Variants in LRP1B observed in about 807,000 individuals in gnomAD.
The protein encoded by LRP1B is LDL receptor related protein 1B, also known as low-density lipoprotein receptor-related protein 1B.
LRP1B carries 217 observed loss-of-function variants against 556.6 expected under a neutral mutation model. That is an observed-to-expected ratio of 0.39 (90% CI 0.35 to 0.44). The LOEUF (loss-of-function observed/expected upper bound fraction) is 0.44. LRP1B is among the 20% of genes least tolerant of loss of function. The probability of loss-of-function intolerance (pLI) is 1.00; values close to 1 mark genes in which losing one functional copy is unlikely to be tolerated. For missense variants in LRP1B, 5,053 were observed against 5,620.8 expected, an observed-to-expected ratio of 0.90 and a Z score of 3.23; for synonymous variants, 2,047 against 1,865.8, an observed-to-expected ratio of 1.10 and a Z score of -2.50.
intron 49 of LRP1B, among the ~76,000 whole-genome samples, chr2:140,519,795 G>A (rs189398815): frequency 1.8e-4 from 28 of 152,176 alleles, no homozygotes; most frequent in African/African-American, 6.7e-4. Context: ...TCAACAAGTG[G>A]ACAAAGGATA....
At chr2:140,987,618 T>C (rs1414899611) in intron 17 of LRP1B, among the ~76,000 whole-genome samples, 1 of 152,140 alleles carries the variant, frequency 6.6e-6, no homozygotes, top group East Asian at 1.9e-4. Context: ...CCTTCTATTT[T>C]AAGGTGAAAA....
At chr2:140,293,911 T>C (rs1256939999) in intron 84 of LRP1B, among the ~76,000 whole-genome samples, 1 of 152,178 alleles carries the variant, frequency 6.6e-6, no homozygotes, top group Non-Finnish European at 1.5e-5. Flanking sequence ...AATTGGTTAA[T>C]TTTAATAAGT....
intron 14 of LRP1B, among the ~76,000 whole-genome samples, chr2:141,010,855 C>T (rs371116327): frequency 6.6e-6 from 1 of 151,528 alleles, no homozygotes; most frequent in African/African-American, 2.4e-5. Context: ...AAGGGGAGAT[C>T]TGATTAGTTG....
chr2:141,050,368 T>G (rs569885295), intron 10 of LRP1B, among the ~76,000 whole-genome samples: 1 of 152,148 alleles, frequency 6.6e-6, no homozygotes, highest in Admixed American at 6.6e-5. Context: ...TGGGTACATA[T>G]GCAGAGTGTG....
chr2:141,514,662 T>C (rs1684248492), intron 2 of LRP1B, among the ~76,000 whole-genome samples: 1 of 152,208 alleles, frequency 6.6e-6, no homozygotes, highest in South Asian at 2.1e-4. Context: ...GAAAATATTA[T>C]AAGTCAAAAT....
chr2:141,795,670 T>C (rs980853654), intron 2 of LRP1B, among the ~76,000 whole-genome samples: 1 of 151,688 alleles, frequency 6.6e-6, no homozygotes, highest in Non-Finnish European at 1.5e-5. Context: ...TCAATTCCAG[T>C]CACGGTTCTG....
intron 65 of LRP1B, among the ~76,000 whole-genome samples, 162 bp from the exon 66 acceptor site, chr2:140,442,785 G>C (rs1163596244): frequency 6.6e-6 from 1 of 151,986 alleles, no homozygotes; most frequent in Non-Finnish European, 1.5e-5. Context: ...AATTCCTTTT[G>C]AGATACTCCT....
intron 1 of LRP1B, among the ~76,000 whole-genome samples, chr2:142,051,875 A>G (rs1704474480): frequency 6.6e-6 from 1 of 152,214 alleles, no homozygotes; most frequent in Non-Finnish European, 1.5e-5. Context: ...AATCATGAGT[A>G]TATCACAAAC....
intron 2 of LRP1B, among the ~76,000 whole-genome samples, chr2:141,734,187 G>C (rs1173749676): frequency 6.6e-6 from 1 of 152,068 alleles, no homozygotes; most frequent in Non-Finnish European, 1.5e-5. Flanking sequence ...TTAATCTCTA[G>C]ATTATCTTGG....
rs1689431318 is a variant in LRP1B, at chr2:140,506,715, G to A, written c.8521+81C>T. 2.8e-6 allele frequency: 4 copies of A among 1,447,526 alleles called. No homozygotes were observed. The South Asian group carries it at 5.2e-5, about 19-fold the overall frequency. The allele number at this position is 1,447,526 out of a possible 1,614,324, so 89.7% of individuals were successfully genotyped here. A position where few individuals can be genotyped will look rare whatever the true frequency, so the allele number is the denominator to read the frequency against. ...GACACTAAGAAATGTGTTGCTTGTTGCTTTAGTTTTTTATTTACATACTAG... is the reference window on the plus strand; with the variant it reads ...GACACTAAGAAATGTGTTGCTTGTTACTTTAGTTTTTTATTTACATACTAG... On this transcript the variant is annotated intron_variant, in intron 53 of 90. Coordinates refer to ENST00000389484, the MANE Select transcript of LRP1B (RefSeq NM_018557.3).
chr2:142,000,352 T>C (rs1337785532), intron 1 of LRP1B, among the ~76,000 whole-genome samples: 3 of 152,168 alleles, frequency 2.0e-5, no homozygotes, highest in Non-Finnish European at 2.9e-5. Context: ...TCCTATTATC[T>C]GGTCTCATGT....
intron 41 of LRP1B, among the ~76,000 whole-genome samples, chr2:140,624,345 C>G (rs895840818): frequency 6.6e-6 from 1 of 152,096 alleles, no homozygotes; most frequent in African/African-American, 2.4e-5. Flanking sequence ...AAATATTTAT[C>G]AAGAACGTTG....
intron 2 of LRP1B, among the ~76,000 whole-genome samples, chr2:141,591,273 C>T (rs1392626100): frequency 2.6e-5 from 4 of 152,026 alleles, no homozygotes; most frequent in African/African-American, 9.7e-5. Flanking sequence ...ACCCAGGCTT[C>T]TCTCATTAGG....
chr2:140,325,629 C>A (rs1253329125), intron 80 of LRP1B, 133 bp downstream of exon 80: 2 of 574,036 alleles, frequency 3.5e-6, no homozygotes, highest in Non-Finnish European at 5.8e-6. Flanking sequence ...TACTAGTAAG[C>A]CTTATAAGTT....
intron 1 of LRP1B, among the ~76,000 whole-genome samples, chr2:142,121,628 C>G (rs144984825): frequency 6.6e-6 from 1 of 152,166 alleles, no homozygotes; most frequent in African/African-American, 2.4e-5. Flanking sequence ...ATTATAACTA[C>G]GACTCCCAAT....
At chr2:141,590,096 GA>G (rs1008993812) in intron 2 of LRP1B, among the ~76,000 whole-genome samples, 6 of 150,198 alleles carry the variant, frequency 4.0e-5, no homozygotes, top group Admixed American at 1.3e-4. Context: ...TGCAAATGCA[GA>G]AAAAAAAATG....
intron 43 of LRP1B, among the ~76,000 whole-genome samples, chr2:140,596,820 C>T (rs1211657943): frequency 6.6e-6 from 1 of 152,070 alleles, no homozygotes; most frequent in Non-Finnish European, 1.5e-5. Flanking sequence ...TCTTCATCTG[C>T]AAATGGGGAT....
Position 141,507,120 on chromosome 2 carries a change from G to A in LRP1B, c.206-26587C>T, listed in dbSNP as rs375674928. 3.9e-4 allele frequency among the ~76,000 whole-genome samples: 60 copies of A among 152,248 alleles called. No homozygotes were observed. The East Asian group carries it at 0.011, about 28-fold the overall frequency. Reference sequence around the variant, plus strand: ...TTATTACTTTTGAAAAATACAGTAAGTAAAATAATTTATTCATGCAGAAAT... The same window carrying A: ...TTATTACTTTTGAAAAATACAGTAAATAAAATAATTTATTCATGCAGAAAT... On this transcript the variant is annotated intron_variant, in intron 2 of 90. Transcript: ENST00000389484.
At position 140,385,892 on chromosome 2, in the gene LRP1B, C is replaced by T. The variant is rs1348020563; in HGVS notation, c.10531+1G>A. On this transcript the variant is annotated splice_donor_variant, in intron 67 of 90. Coordinates refer to ENST00000389484, the MANE Select transcript of LRP1B (RefSeq NM_018557.3). LOFTEE classifies it high-confidence loss of function. ...AACATTATTAGGCAAGAGTTACTTA[C>T]TACAGTTTTCTTCATCTGAATTATC... 3 of 1,590,896 alleles carry T rather than the reference C, an allele frequency of 1.9e-6. No individual in the cohort carries two copies. Among genetic ancestry groups the T allele is most frequent in the South Asian group, 2.2e-5 (2 of 90,556 alleles).
Sources: allele counts gnomAD v4.1 joint callset (sites outside exome capture counted in the v4.1 genomes callset), GRCh38; gene constraint gnomAD v4.1.1; transcripts MANE v1.5; gene names NCBI Gene and HGNC (gene_info 2026-07-23, HGNC 2026-07-21).